ACYP2: variants seen among roughly 807,000 people sequenced by gnomAD.
ACYP2 encodes acylphosphatase-2.
Under a neutral mutation model 11.2 loss-of-function variants are expected in ACYP2, and 12 were observed. The observed-to-expected ratio is 1.08, with a 90% CI of 0.69 to 1.74. ACYP2 has a LOEUF of 1.74. Ranked by LOEUF, ACYP2 falls within the 40% of genes most tolerant of loss-of-function variation. The probability of loss-of-function intolerance (pLI) is 0.00; values close to 1 mark genes in which losing one functional copy is unlikely to be tolerated. For synonymous variants in ACYP2, 43 were observed against 32.2 expected (o/e 1.33, Z -1.13); for missense variants, 134 against 101.9 (o/e 1.31, Z -1.35).
At chr2:54,283,161 C>T (rs1414280616) in intron 6 of ACYP2, among the ~76,000 whole-genome samples, 2 of 152,138 alleles carry the variant, frequency 1.3e-5, no homozygotes, top group Admixed American at 6.5e-5. Context: ...ATGAAACTTA[C>T]CCTAATTATC....
chr2:54,103,901 C>T (rs1345407419), intron 4 of ACYP2, among the ~76,000 whole-genome samples: 1 of 152,178 alleles, frequency 6.6e-6, no homozygotes, highest in African/African-American at 2.4e-5. Context: ...TTGCCCTAGC[C>T]GGCCAGGTCA....
At chr2:54,086,287 CAT>C (rs762659662) in intron 4 of ACYP2, among the ~76,000 whole-genome samples, 1 of 152,126 alleles carries the variant, frequency 6.6e-6, no homozygotes, top group Non-Finnish European at 1.5e-5. Context: ...GGCTAACACT[CAT>C]AAAGACCTCT....
chr2:54,296,103 G>A (rs1689511053), intron 6 of ACYP2, among the ~76,000 whole-genome samples: 1 of 152,152 alleles, frequency 6.6e-6, no homozygotes, highest in Admixed American at 6.5e-5. Context: ...TGTGGAGGAG[G>A]CATATAATAA....
intron 6 of ACYP2, among the ~76,000 whole-genome samples, chr2:54,159,892 T>C (rs1160335328): frequency 1.3e-5 from 2 of 152,192 alleles, no homozygotes; most frequent in East Asian, 3.9e-4. Context: ...CTGCCTGGAA[T>C]GGATGCTTCC....
intron 6 of ACYP2, among the ~76,000 whole-genome samples, chr2:54,245,861 T>C (rs543495914): frequency 1.3e-5 from 2 of 152,178 alleles, no homozygotes; most frequent in Non-Finnish European, 2.9e-5. Flanking sequence ...GCTTTTCAGT[T>C]GGATATAATC....
intron 6 of ACYP2, among the ~76,000 whole-genome samples, chr2:54,297,762 A>G (rs996598386): frequency 1.0e-5 from 1 of 96,718 alleles, no homozygotes; most frequent in Non-Finnish European, 2.0e-5. Context: ...CAAGAAAAAT[A>G]TGAGTATAAA....
At chr2:54,096,616 C>A (rs914058650) in intron 4 of ACYP2, among the ~76,000 whole-genome samples, 1 of 152,284 alleles carries the variant, frequency 6.6e-6, no homozygotes, top group South Asian at 2.1e-4. Context: ...GGATCCCTCG[C>A]GGTTAGGAGC....
At chr2:54,202,131 C>T (rs1040371556) in intron 6 of ACYP2, among the ~76,000 whole-genome samples, 1 of 152,078 alleles carries the variant, frequency 6.6e-6, no homozygotes, top group African/African-American at 2.4e-5. Flanking sequence ...GATTGGCTAT[C>T]CAGTTGTTCC....
At chr2:53,996,353 AAGG>A (rs1672574005) in intron 2 of ACYP2, among the ~76,000 whole-genome samples, 1 of 152,056 alleles carries the variant, frequency 6.6e-6, no homozygotes, top group African/African-American at 2.4e-5. Context: ...AGAGATAAAA[AAGG>A]AGGATGGAGG....
rs930961435 is a variant in ACYP2, at chr2:54,076,662, G to C, written c.277+19302G>C. ...AGAACCAAGAGAAAGAAAGGCCAGA[G>C]TGTTTTGGAGAAGGAATTTTGAAGA... On this transcript the variant is annotated intron_variant, in intron 4 of 6. Coordinates refer to ENST00000607452, the MANE Select transcript of ACYP2 (RefSeq NM_001320586.2). Among the ~76,000 whole-genome samples, 3 of 152,216 alleles carry C rather than the reference G, an allele frequency of 2.0e-5. No homozygotes were observed. The South Asian group carries it at 6.2e-4, about 32-fold the overall frequency.
chr2:54,242,212 G>A (rs1686757358), intron 6 of ACYP2, among the ~76,000 whole-genome samples: 1 of 152,236 alleles, frequency 6.6e-6, no homozygotes, highest in Non-Finnish European at 1.5e-5. Flanking sequence ...TTCCAGCACA[G>A]TGACTGCAGT....
At chr2:54,135,320 G>C in intron 4 of ACYP2, 133 bp from the exon 2 acceptor site, 1 of 717,960 alleles carries the variant, frequency 1.4e-6, no homozygotes, top group Non-Finnish European at 2.3e-6. Flanking sequence ...ACAGTTGATG[G>C]AGGATTAAGT....
At chr2:54,190,512 C>T (rs1254998621) in intron 6 of ACYP2, among the ~76,000 whole-genome samples, 1 of 152,034 alleles carries the variant, frequency 6.6e-6, no homozygotes, top group Non-Finnish European at 1.5e-5. Context: ...GTCTTCGTAT[C>T]TCACTTTTAC....
intron 6 of ACYP2, among the ~76,000 whole-genome samples, chr2:54,228,380 C>G (rs984903614): frequency 2.8e-4 from 42 of 152,180 alleles, no homozygotes; most frequent in African/African-American, 9.7e-4. Context: ...TATGTATCAT[C>G]TGTTATTCAT....
chr2:54,133,356 A>G (rs958450740), intron 4 of ACYP2, among the ~76,000 whole-genome samples: 1 of 151,822 alleles, frequency 6.6e-6, no homozygotes, highest in Non-Finnish European at 1.5e-5. Flanking sequence ...GTGTGGATCT[A>G]CCACAGTTGT....
At position 54,156,875 on chromosome 2, in the gene ACYP2, C is replaced by T. The variant is rs142122546; in HGVS notation, c.404+18127C>T. 3.4e-3 allele frequency among the ~76,000 whole-genome samples: 514 copies of T among 152,286 alleles called. 6 individuals carry two copies. Among genetic ancestry groups the T allele is most frequent in the African/African-American group, 0.012 (491 of 41,562 alleles). ...TAGAAATGCGGTTTCACCATGTTGGCTAGGCTGGTCTTGAACTCCTGACCT... is the reference window on the plus strand; with the variant it reads ...TAGAAATGCGGTTTCACCATGTTGGTTAGGCTGGTCTTGAACTCCTGACCT... On this transcript the variant is annotated intron_variant, in intron 6 of 6. Transcript: ENST00000607452.
intron 4 of ACYP2, among the ~76,000 whole-genome samples, chr2:54,089,585 A>T (rs1277086669): frequency 6.6e-6 from 1 of 151,918 alleles, no homozygotes; most frequent in Non-Finnish European, 1.5e-5. Context: ...AAAACAAATT[A>T]AAAAATTAGT....
chr2:54,124,196 CT>C (rs796548629), intron 4 of ACYP2, among the ~76,000 whole-genome samples: 8,101 of 142,862 alleles, frequency 0.057, 581 homozygotes, highest in African/African-American at 0.18. Context: ...CATATTGAAT[CT>C]TTTTTTTTTT....
chr2:54,038,683 A>ACTT (rs1558487455), intron 2 of ACYP2, among the ~76,000 whole-genome samples: 1 of 39,744 alleles, frequency 2.5e-5, no homozygotes, highest in Non-Finnish European at 5.5e-5. Context: ...CTATATATAT[A>ACTT]TATATATATA....
Sources: gnomAD v4.1 joint callset for allele counts (sites outside exome capture counted in the v4.1 genomes callset) on GRCh38, gnomAD v4.1.1 for gene constraint, MANE v1.5 for transcripts, NCBI Gene and HGNC (gene_info 2026-07-23, HGNC 2026-07-21) for gene names.